The following XXYLT1 variants were observed in gnomAD, a reference collection of about 807,000 sequenced individuals.
XXYLT1 encodes the protein UDP-xylose:alpha-xyloside alpha-1,3-xylosyltransferase.
XXYLT1 carries 20 observed loss-of-function variants against 28.9 expected under a neutral mutation model. The observed-to-expected ratio is 0.69, with a 90% confidence interval of 0.49 to 1.00. The LOEUF is 1.00. XXYLT1 is among the 50% of genes least tolerant of loss of function. XXYLT1 has a pLI of 0.00. For missense variants in XXYLT1, 542 were observed against 560.1 expected (o/e 0.97, Z 0.33); for synonymous variants, 257 against 253.8 (o/e 1.01, Z -0.12).
chr3:195,261,328 G>A (rs1264173767), intron 1 of XXYLT1, among the ~76,000 whole-genome samples: 1 of 152,204 alleles, frequency 6.6e-6, no homozygotes, highest in African/African-American at 2.4e-5. Flanking sequence ...CCAGCTACTC[G>A]GGAGCTGAGG....
chr3:195,161,231 G>C (rs928447378), intron 2 of XXYLT1, among the ~76,000 whole-genome samples: 1 of 152,108 alleles, frequency 6.6e-6, no homozygotes, highest in African/African-American at 2.4e-5. Flanking sequence ...AGAGACTTTC[G>C]GTAATTTGTT....
At position 195,270,181 on chromosome 3, in the gene XXYLT1, C is replaced by CCAGT. The variant is rs1344176776; in HGVS notation, c.504+373_504+374insACTG. The CCAGT allele has an allele frequency of 1.4e-4, 70 of 498,202 alleles. No homozygotes were observed. In the Admixed American group the frequency reaches 1.7e-3, roughly 12 times the overall value. The allele number at this position is 498,202 out of a possible 1,614,324, so 30.9% of individuals were successfully genotyped here. A position where few individuals can be genotyped will look rare whatever the true frequency, so the allele number is the denominator to read the frequency against. ...GTTGCTCAGGATGACTACTGGTGACCAGTCCCATCCTCAGAAGTCAAAAAC... is the reference window on the plus strand; with the variant it reads ...GTTGCTCAGGATGACTACTGGTGACCCAGTAGTCCCATCCTCAGAAGTCAAAAAC... On this transcript the variant is annotated intron_variant, in intron 1 of 3. Transcript: ENST00000310380.
At chr3:195,244,067 C>T (rs1042329445) in intron 1 of XXYLT1, among the ~76,000 whole-genome samples, 1 of 152,228 alleles carries the variant, frequency 6.6e-6, no homozygotes, top group Non-Finnish European at 1.5e-5. Flanking sequence ...ATCTCCACCT[C>T]GTGCTTACTG....
chr3:195,117,144 T>C (rs1374818129), intron 3 of XXYLT1, among the ~76,000 whole-genome samples: 2 of 73,718 alleles, frequency 2.7e-5, no homozygotes, highest in South Asian at 3.4e-4. Context: ...CACACACACA[T>C]CCCCTTCAGC....
At chr3:195,215,678 C>T (rs1447658357) in intron 2 of XXYLT1, among the ~76,000 whole-genome samples, 11 of 150,430 alleles carry the variant, frequency 7.3e-5, no homozygotes, top group African/African-American at 2.5e-4. Context: ...AAAGCAAGTC[C>T]TGAGTGACCT....
chr3:195,228,310 T>C (rs1724143941), intron 1 of XXYLT1, among the ~76,000 whole-genome samples: 1 of 151,844 alleles, frequency 6.6e-6, no homozygotes, highest in African/African-American at 2.4e-5. Context: ...CCCTTGAAGC[T>C]CTCCAATAGG....
chr3:195,075,860 G>C (rs140449620), intron 3 of XXYLT1, among the ~76,000 whole-genome samples: 3,340 of 152,336 alleles, frequency 0.022, 110 homozygotes, highest in African/African-American at 0.074. Flanking sequence ...GCGAGGTCGA[G>C]GCGCGGCTGT....
chr3:195,143,165 T>C (rs546103715), intron 3 of XXYLT1, among the ~76,000 whole-genome samples: 5 of 152,324 alleles, frequency 3.3e-5, no homozygotes, highest in African/African-American at 1.2e-4. Context: ...ATCAGCTATT[T>C]CAAGTAACAG....
At chr3:195,107,783 C>T (rs1378640855) in intron 3 of XXYLT1, among the ~76,000 whole-genome samples, 9 of 151,848 alleles carry the variant, frequency 5.9e-5, no homozygotes, top group African/African-American at 2.2e-4. Context: ...CCTCAGTGTT[C>T]GGAATCCTCA....
At chr3:195,241,830 C>T (rs938577105) in intron 1 of XXYLT1, among the ~76,000 whole-genome samples, 1 of 151,926 alleles carries the variant, frequency 6.6e-6, no homozygotes, top group African/African-American at 2.4e-5. Context: ...CACATGCACA[C>T]AACATACACA....
chr3:195,112,496 GCACACACCCA>G (rs59591886), intron 3 of XXYLT1, among the ~76,000 whole-genome samples: 21,400 of 75,430 alleles, frequency 0.28, 2,112 homozygotes, highest in East Asian at 0.54. Context: ...ATGGACACAT[GCACACACCCA>G]CACACACCCA....
intron 3 of XXYLT1, among the ~76,000 whole-genome samples, chr3:195,116,440 T>G (rs1387149628): frequency 6.6e-6 from 1 of 152,126 alleles, no homozygotes; most frequent in Non-Finnish European, 1.5e-5. Context: ...GAACTACACT[T>G]TGAGTAGTGA....
chr3:195,080,648 T>C (rs1439281516), intron 3 of XXYLT1, among the ~76,000 whole-genome samples: 1 of 151,654 alleles, frequency 6.6e-6, no homozygotes, highest in African/African-American at 2.4e-5. Context: ...GCGCTGGAGG[T>C]CACAGGAGAG....
At chr3:195,088,343 CG>C (rs1715904155) in intron 3 of XXYLT1, among the ~76,000 whole-genome samples, 1 of 148,422 alleles carries the variant, frequency 6.7e-6, no homozygotes, top group Admixed American at 6.8e-5. Flanking sequence ...GATCTGAGAA[CG>C]GGCAGACTGC....
At chr3:195,162,097 A>C (rs1442726077) in intron 2 of XXYLT1, among the ~76,000 whole-genome samples, 1 of 126,446 alleles carries the variant, frequency 7.9e-6, no homozygotes, top group African/African-American at 3.9e-5. Flanking sequence ...GCCCTGTTTC[A>C]AAAAAAAAAA....
chr3:195,159,827 CA>C (rs1422869597), intron 2 of XXYLT1, among the ~76,000 whole-genome samples: 23 of 152,144 alleles, frequency 1.5e-4, no homozygotes, highest in African/African-American at 5.6e-4. Flanking sequence ...GGGAGATTTT[CA>C]AATCAACATT....
chr3:195,166,861 T>C (rs1236445555), intron 2 of XXYLT1, among the ~76,000 whole-genome samples: 2 of 152,206 alleles, frequency 1.3e-5, no homozygotes, highest in Non-Finnish European at 2.9e-5. Context: ...GCATTTTTAG[T>C]AGAGATAGGG....
chr3:195,252,308 G>A (rs931722358), intron 1 of XXYLT1, among the ~76,000 whole-genome samples: 22 of 152,090 alleles, frequency 1.4e-4, no homozygotes, highest in African/African-American at 4.6e-4. Context: ...CTTTAGCTAC[G>A]TCTATAATAT....
intron 1 of XXYLT1, among the ~76,000 whole-genome samples, chr3:195,244,626 G>A (rs1018810651): frequency 3.3e-5 from 5 of 151,002 alleles, no homozygotes; most frequent in African/African-American, 4.9e-5. Flanking sequence ...GCCAGGCGTG[G>A]TGGAGGGCGC....
Sources: gnomAD v4.1 joint callset for allele counts (sites outside exome capture counted in the v4.1 genomes callset) on GRCh38, gnomAD v4.1.1 for gene constraint, MANE v1.5 for transcripts, NCBI Gene and HGNC (gene_info 2026-07-23, HGNC 2026-07-21) for gene names.